Variants in LSM8 observed in about 807,000 individuals in gnomAD.
LSM8 encodes LSM8 U6 small nuclear RNA associated.
Under a neutral mutation model 15.0 loss-of-function variants are expected in LSM8, and 14 were observed. The ratio of observed to expected loss-of-function variants is 0.93; its 90% CI spans 0.62 to 1.46. The LOEUF (loss-of-function observed/expected upper bound fraction) is 1.46. Among genes scored for constraint, LSM8 ranks in the 40% most tolerant of loss-of-function variants. The pLI is 0.00. For synonymous variants in LSM8, 50 were observed against 42.1 expected, an observed-to-expected ratio of 1.19 and a Z score of -0.73; for missense variants, 90 against 115.4, an observed-to-expected ratio of 0.78 and a Z score of 1.01.
intron 3 of LSM8, 71 bp from the exon 4 acceptor site, chr7:118,191,841 G>T (rs1584707435): frequency 8.5e-7 from 1 of 1,177,216 alleles, no homozygotes; most frequent in South Asian, 1.3e-5. Context: ...GCTTTGATTT[G>T]ATTAGTAAGA....
rs752152735 is a variant in LSM8 at position 118,195,576 on chromosome 7, C to T, written c.*3574C>T. 2.5e-4 allele frequency among the ~76,000 whole-genome samples: 38 copies of T among 152,082 alleles called. No individual in the cohort carries two copies. Among genetic ancestry groups the T allele is most frequent in the Admixed American group, 6.6e-4 (10 of 15,254 alleles). ...TAAGTTTACAGTATTAAGAAATGTACAATAAAATTTGTTTCTATGTCAGCG... is the reference window on the plus strand; with the variant it reads ...TAAGTTTACAGTATTAAGAAATGTATAATAAAATTTGTTTCTATGTCAGCG... On this transcript the variant is annotated 3_prime_UTR_variant, in exon 4 of 4. Transcript: ENST00000249299.
At position 118,199,630 on chromosome 7, in the gene LSM8, CAA is replaced by C. The variant is rs1809138107; in HGVS notation, c.*7629_*7630del. Among the ~76,000 whole-genome samples, 1 of 152,076 alleles carries C rather than the reference CAA, an allele frequency of 6.6e-6. No individual in the cohort carries two copies. On this transcript the variant is annotated 3_prime_UTR_variant, in exon 4 of 4. Coordinates refer to ENST00000249299, the MANE Select transcript of LSM8 (RefSeq NM_016200.5). ...CATGGAAGGAAAACAAGTAACTTTG[CAA>C]CAATCTGTTCAACAATGAGAGTTAC...
intron 2 of LSM8, among the ~76,000 whole-genome samples, chr7:118,186,734 C>T (rs1002522751): frequency 6.6e-6 from 1 of 152,242 alleles, no homozygotes; most frequent in Non-Finnish European, 1.5e-5. Context: ...GGTTTGACAT[C>T]AAAGCCAAGG....
intron 1 of LSM8, 56 bp from the exon 2 acceptor site, chr7:118,185,597 AG>A: frequency 7.0e-7 from 1 of 1,433,388 alleles, no homozygotes; most frequent in Non-Finnish European, 9.8e-7. Context: ...TTCCCTTGCC[AG>A]AGTCTGTTTT....
At chr7:118,190,507 T>C (rs1189882467) in intron 3 of LSM8, 1 of 152,166 alleles carries the variant, frequency 6.6e-6, no homozygotes, top group Non-Finnish European at 1.5e-5. Context: ...TAGCTTGAAA[T>C]TGGCCGTGGT....
At chr7:118,184,380 C>T (rs760533459) in intron 1 of LSM8, 126 bp downstream of exon 1, 197 of 1,163,606 alleles carry the variant, frequency 1.7e-4, no homozygotes, top group Non-Finnish European at 2.2e-4. Flanking sequence ...GATGAGGGCC[C>T]CGGAACGACC....
chr7:118,187,573 A>G (rs1056955048), intron 2 of LSM8, among the ~76,000 whole-genome samples: 4 of 152,214 alleles, frequency 2.6e-5, no homozygotes, highest in African/African-American at 4.8e-5. Flanking sequence ...AATTTTTAGT[A>G]TATTTATGGG....
In LSM8 at chr7:118,200,182, G is replaced by A. The variant is rs914221688; in HGVS notation, c.*8180G>A. Among the ~76,000 whole-genome samples, 1 of 152,242 alleles carries A rather than the reference G, an allele frequency of 6.6e-6. No homozygotes were observed. Among genetic ancestry groups the A allele is most frequent in the Admixed American group, 6.5e-5 (1 of 15,282 alleles). On this transcript the variant is annotated 3_prime_UTR_variant, in exon 4 of 4. Transcript: ENST00000249299. ...TCCAAATATAAACAACCTAAGCATT[G>A]TGCAGTAGCCATGAGGGACTAGGTA...
chr7:118,185,583 A>G, intron 1 of LSM8, 71 bp from the exon 2 acceptor site: 1 of 1,343,236 alleles, frequency 7.4e-7, no homozygotes, highest in Non-Finnish European at 1.1e-6. Context: ...AAAAATTCAA[A>G]TCATTCCCTT....
intron 3 of LSM8, 165 bp downstream of exon 3, chr7:118,188,570 A>G (rs1308367783): frequency 1.7e-6 from 1 of 574,958 alleles, no homozygotes; most frequent in Non-Finnish European, 2.8e-6. Flanking sequence ...AAAATAAGGC[A>G]TATGTATACA....
rs1347949305 is a variant in LSM8 at position 118,184,255 on chromosome 7, G to C, written c.31+1G>C. The C allele has an allele frequency of 3.3e-6, 5 of 1,503,196 alleles. No individual in the cohort carries two copies. Among genetic ancestry groups the C allele is most frequent in the Non-Finnish European group, 3.6e-6 (4 of 1,118,882 alleles). 93.1% of individuals were successfully genotyped at this position (1,503,196 alleles called of 1,614,324 possible). On this transcript the variant is annotated splice_donor_variant, in intron 1 of 3. Coordinates refer to ENST00000249299, the MANE Select transcript of LSM8 (RefSeq NM_016200.5). LOFTEE classifies it high-confidence loss of function. Reference sequence around the variant, plus strand: ...TCCGCTTTGGAGAACTACATCAACCGTATCCTCAAGCTGGCCGCCGCGGGC... The same window carrying C: ...TCCGCTTTGGAGAACTACATCAACCCTATCCTCAAGCTGGCCGCCGCGGGC...
chr7:118,197,568 C>A lies in LSM8; in HGVS notation c.*5566C>A, dbSNP rs1809102579. Among the ~76,000 whole-genome samples, 1 of 152,030 alleles carries A rather than the reference C, an allele frequency of 6.6e-6. No individual in the cohort carries two copies. Among genetic ancestry groups the A allele is most frequent in the African/African-American group, 2.4e-5 (1 of 41,380 alleles). On this transcript the variant is annotated 3_prime_UTR_variant, in exon 4 of 4. Transcript: ENST00000249299. Reference sequence around the variant, plus strand: ...AAAATAAATGCCCTGAAAGTGATCACAATGATAGTTAAAAGTTAAATTTTT... The same window carrying A: ...AAAATAAATGCCCTGAAAGTGATCAAAATGATAGTTAAAAGTTAAATTTTT...
rs1014346744 is a variant in LSM8, at chr7:118,199,708, T to TA, written c.*7710dup. Among the ~76,000 whole-genome samples the TA allele has an allele frequency of 2.0e-5, 3 of 152,088 alleles. No individual in the cohort carries two copies. Among genetic ancestry groups the TA allele is most frequent in the Non-Finnish European group, 4.4e-5 (3 of 68,008 alleles). ...GGGAACTTAGATGTAACCAAAGACT[T>TA]AAAAGATACTAGTCTTTAAGACAGG... On this transcript the variant is annotated 3_prime_UTR_variant, in exon 4 of 4. Coordinates refer to ENST00000249299, the MANE Select transcript of LSM8 (RefSeq NM_016200.5).
chr7:118,188,504 T>C, intron 3 of LSM8, 99 bp downstream of exon 3: 1 of 1,080,192 alleles, frequency 9.3e-7, no homozygotes, highest in Non-Finnish European at 1.3e-6. Flanking sequence ...CCATACATAG[T>C]TAATAGAATC....
intron 1 of LSM8, chr7:118,184,516 A>G: frequency 2.6e-6 from 1 of 391,666 alleles, no homozygotes; most frequent in Non-Finnish European, 4.6e-6. Context: ...CTTAAAAAAA[A>G]TGTACGCTCT....
At position 118,203,552 on chromosome 7, in the gene LSM8, T is replaced by C. The variant is rs573825198; in HGVS notation, c.*11550T>C. 7.9e-5 allele frequency among the ~76,000 whole-genome samples: 12 copies of C among 151,750 alleles called. No individual in the cohort carries two copies. The South Asian group carries it at 2.5e-3, about 32-fold the overall frequency. On this transcript the variant is annotated 3_prime_UTR_variant, in exon 4 of 4. Transcript: ENST00000249299. ...TAATTGAGTTTCAATGGGCAAGAAT[T>C]TTTATATCATGATTTTACCACTCTG... is the stretch of plus-strand genomic sequence containing the variant.
In LSM8 at chr7:118,194,485, A is replaced by T. The variant is rs1562863390; in HGVS notation, c.*2483A>T. ...TGACAGTTTTGGCTAAATATTACAA[A>T]TCTTGATCCCAGAAGAGCAAGAGAG... On this transcript the variant is annotated 3_prime_UTR_variant, in exon 4 of 4. Coordinates refer to ENST00000249299, the MANE Select transcript of LSM8 (RefSeq NM_016200.5). 6.6e-6 allele frequency among the ~76,000 whole-genome samples: 1 copy of T among 152,142 alleles called. No homozygotes were observed. The highest frequency in any genetic ancestry group is 2.1e-4 in the South Asian group (1 of 4,834).
chr7:118,186,710 TG>T (rs1323251794), intron 2 of LSM8, among the ~76,000 whole-genome samples: 1 of 152,244 alleles, frequency 6.6e-6, no homozygotes, highest in East Asian at 1.9e-4. Flanking sequence ...AGAACCAAAC[TG>T]GGATTTAAAT....
Position 118,199,945 on chromosome 7 carries a change from AAGTGATAAAAAAC to A in LSM8, c.*7946_*7958del, listed in dbSNP as rs1809144946. ...AGGCATTTTGCTCATAGCTTAGGGC[AAGTGATAAAAAAC>A]AGAGCTTAACAAAGGACTGGATGTT... On this transcript the variant is annotated 3_prime_UTR_variant, in exon 4 of 4. Transcript: ENST00000249299. Among the ~76,000 whole-genome samples the A allele has an allele frequency of 6.6e-6, 1 of 152,080 alleles. No homozygotes were observed. Among genetic ancestry groups the A allele is most frequent in the Non-Finnish European group, 1.5e-5 (1 of 68,026 alleles).
Sources: allele counts gnomAD v4.1 joint callset (sites outside exome capture counted in the v4.1 genomes callset), GRCh38; gene constraint gnomAD v4.1.1; transcripts MANE v1.5; gene names NCBI Gene and HGNC (gene_info 2026-07-23, HGNC 2026-07-21).